Variants in CECR2 observed in about 807,000 individuals in gnomAD.
CECR2 encodes the protein chromatin remodeling regulator CECR2.
A neutral mutation model predicts 154.5 loss-of-function variants in CECR2; 30 were observed. The observed-to-expected ratio is 0.19, with a 90% confidence interval of 0.15 to 0.26. The LOEUF is 0.26. CECR2 is among the 10% of genes least tolerant of loss of function. The probability of loss-of-function intolerance (pLI) is 1.00; values close to 1 mark genes in which losing one functional copy is unlikely to be tolerated. For synonymous variants in CECR2, 725 were observed against 683.7 expected (o/e 1.06, Z -0.94); for missense variants, 1,743 against 1,829.3 (o/e 0.95, Z 0.86).
chr22:17,497,833 G>A (rs917185054), intron 3 of CECR2, among the ~76,000 whole-genome samples: 7 of 152,076 alleles, frequency 4.6e-5, no homozygotes, highest in African/African-American at 1.2e-4. Context: ...CTTCCTTTAC[G>A]TGCACTGAGT....
chr22:17,380,998 G>A (rs1350622847), intron 1 of CECR2, among the ~76,000 whole-genome samples: 2 of 143,410 alleles, frequency 1.4e-5, no homozygotes, highest in Admixed American at 7.8e-5. Context: ...ATGTCTCTCT[G>A]TCTTCCTGAA....
At chr22:17,403,710 A>C (rs979820257) in intron 1 of CECR2, among the ~76,000 whole-genome samples, 3 of 152,088 alleles carry the variant, frequency 2.0e-5, no homozygotes, top group African/African-American at 7.2e-5. Flanking sequence ...CTTCTAGTTA[A>C]GGTATTCTGC....
At chr22:17,394,394 A>G (rs1056268028) in intron 1 of CECR2, among the ~76,000 whole-genome samples, 5 of 151,048 alleles carry the variant, frequency 3.3e-5, no homozygotes, top group Admixed American at 1.3e-4. Context: ...TTTTTTGTAG[A>G]GACAGGGTCT....
intron 8 of CECR2, among the ~76,000 whole-genome samples, chr22:17,515,468 A>G (rs2056034583): frequency 6.6e-6 from 1 of 152,192 alleles, no homozygotes. Context: ...ATTACTATTT[A>G]CGTTTTTACG....
chr22:17,501,565 A>G (rs1402253270), intron 5 of CECR2, among the ~76,000 whole-genome samples: 1 of 152,166 alleles, frequency 6.6e-6, no homozygotes, highest in Non-Finnish European at 1.5e-5. Flanking sequence ...CTCAAAAAAA[A>G]AAAGAATGTA....
At chr22:17,474,513 A>T (rs571447459) in intron 1 of CECR2, among the ~76,000 whole-genome samples, 2 of 152,070 alleles carry the variant, frequency 1.3e-5, no homozygotes, top group Admixed American at 1.3e-4. Context: ...TCTACTTTCT[A>T]TTGTGTTAGA....
chr22:17,533,081 G>A (rs2056383498), intron 9 of CECR2, among the ~76,000 whole-genome samples: 1 of 151,852 alleles, frequency 6.6e-6, no homozygotes, highest in Admixed American at 6.6e-5. Flanking sequence ...ACTTTGGGAG[G>A]CCGAGGCGGG....
chr22:17,387,535 G>A (rs889596542), intron 1 of CECR2, among the ~76,000 whole-genome samples: 11 of 152,238 alleles, frequency 7.2e-5, no homozygotes, highest in Admixed American at 3.3e-4. Flanking sequence ...GCCTGCTGGC[G>A]TGTGTCCAGC....
intron 1 of CECR2, among the ~76,000 whole-genome samples, chr22:17,404,130 A>G (rs1401285902): frequency 1.5e-4 from 23 of 151,298 alleles, no homozygotes; most frequent in African/African-American, 3.9e-4. Context: ...GTCATGTTGC[A>G]CGTCTGTACT....
chr22:17,484,016 C>T (rs57816185), intron 2 of CECR2, among the ~76,000 whole-genome samples: 8 of 152,262 alleles, frequency 5.3e-5, no homozygotes, highest in African/African-American at 1.7e-4. Flanking sequence ...TCAGTACAGT[C>T]AGGTGCAGTA....
chr22:17,400,519 G>A (rs962803453), intron 1 of CECR2, among the ~76,000 whole-genome samples: 1 of 151,686 alleles, frequency 6.6e-6, no homozygotes, highest in African/African-American at 2.4e-5. Flanking sequence ...CCTTTTTCTC[G>A]TGAGTGATTT....
At chr22:17,435,035 C>A (rs1287440879) in intron 1 of CECR2, among the ~76,000 whole-genome samples, 1 of 151,986 alleles carries the variant, frequency 6.6e-6, no homozygotes, top group Non-Finnish European at 1.5e-5. Context: ...GGGGATGGGG[C>A]CGGATGTGCA....
intron 1 of CECR2, among the ~76,000 whole-genome samples, chr22:17,408,585 G>A (rs975805503): frequency 9.9e-5 from 15 of 152,194 alleles, no homozygotes; most frequent in African/African-American, 2.2e-4. Flanking sequence ...AGATGTTTCC[G>A]AAACACCATT....
intron 10 of CECR2, among the ~76,000 whole-genome samples, chr22:17,538,106 T>C (rs1322514136): frequency 6.6e-6 from 1 of 151,886 alleles, no homozygotes; most frequent in Non-Finnish European, 1.5e-5. Context: ...TAGTCCCAAC[T>C]ATTCAGGAGG....
At chr22:17,382,930 A>G (rs1472228088) in intron 1 of CECR2, among the ~76,000 whole-genome samples, 4 of 151,738 alleles carry the variant, frequency 2.6e-5, no homozygotes, top group African/African-American at 9.7e-5. Context: ...ACTATTACTT[A>G]AAAATCCTAG....
At chr22:17,365,770 C>T (rs1326378776), upstream of CECR2, among the ~76,000 whole-genome samples, 2 of 151,788 alleles carry the variant, frequency 1.3e-5, no homozygotes, top group Non-Finnish European at 2.9e-5. Flanking sequence ...ATCTGGGAGG[C>T]TGAGGCAGGA....
chr22:17,384,210 A>C (rs984216027), intron 1 of CECR2, among the ~76,000 whole-genome samples: 53 of 152,192 alleles, frequency 3.5e-4, no homozygotes, highest in African/African-American at 1.2e-3. Flanking sequence ...ATTCATCAGA[A>C]GAATCACTAT....
chr22:17,435,781 C>G (rs2054497778), intron 1 of CECR2, among the ~76,000 whole-genome samples: 1 of 149,852 alleles, frequency 6.7e-6, no homozygotes. Context: ...ATCCCTTATA[C>G]AGTGTCTCTC....
chr22:17,365,232 G>T (rs1202851119), upstream of CECR2, among the ~76,000 whole-genome samples: 1 of 151,780 alleles, frequency 6.6e-6, no homozygotes, highest in African/African-American at 2.4e-5. Context: ...CTAAAAAAAA[G>T]GAAAAAGAAA....
Sources: allele counts gnomAD v4.1 joint callset (sites outside exome capture counted in the v4.1 genomes callset), GRCh38; gene constraint gnomAD v4.1.1; transcripts MANE v1.5; gene names NCBI Gene and HGNC (gene_info 2026-07-23, HGNC 2026-07-21).